The following USH1C variants were observed in gnomAD, a reference collection of about 807,000 sequenced individuals.
The protein encoded by USH1C is USH1 protein network component harmonin.
USH1C carries 90 observed loss-of-function variants against 119.3 expected under a neutral mutation model. The observed-to-expected ratio is 0.75, with a 90% CI of 0.64 to 0.90. The LOEUF (loss-of-function observed/expected upper bound fraction) is 0.90. USH1C is among the 40% of genes least tolerant of loss of function. The pLI is 0.00. For missense variants in USH1C, 1,165 were observed against 1,167.7 expected (o/e 1.00, Z 0.03); for synonymous variants, 465 against 443.3 (o/e 1.05, Z -0.62).
Position 17,531,418 on chromosome 11 carries a change from G to T in USH1C, c.229C>A (p.Leu77Met). The change falls in exon 3 of 27, where the codon CTG (leucine) becomes ATG (methionine). Residue 77 changes from leucine to methionine, a missense_variant. Physicochemically the swap from Leu to Met is conservative, Grantham distance 15. Transcript: ENST00000005226. This position sits in a 1 kb window ranked among gnomAD's most constrained non-coding sequence, Gnocchi z 4.2. ...CTGCACCTGGAGCGCCGGGGGGTCA[G>T]CTGATCATATTCCACCTGGTGCTTC... ...PLKHQVEYDQLTPRRSRKLKE... is the reference protein window; with the variant it reads ...PLKHQVEYDQMTPRRSRKLKE... 1.9e-6 allele frequency: 3 copies of T among 1,614,018 alleles called. No individual in the cohort carries two copies. Among genetic ancestry groups the T allele is most frequent in the Non-Finnish European group, 2.5e-6 (3 of 1,179,964 alleles).
At position 17,523,422 on chromosome 11, in the gene USH1C, C is replaced by T; in HGVS notation, c.816G>A (p.Lys272=). ...GGTGAAGACCCCCACATCTCACCTCCTTGTGATCCAGGTTAGAGAAGTCGA... is the reference window on the plus strand; with the variant it reads ...GGTGAAGACCCCCACATCTCACCTCTTTGTGATCCAGGTTAGAGAAGTCGA... ...NGVDFSNLDH[K]EAVNVLKSSR... The change falls in exon 10 of 27, where the codon AAG becomes AAA. Residue 272 remains lysine, a synonymous_variant. Coordinates refer to ENST00000005226, the MANE Select transcript of USH1C (RefSeq NM_153676.4). The T allele has an allele frequency of 6.2e-7, 1 of 1,614,224 alleles. No individual in the cohort carries two copies.
rs1284886077 is a variant in USH1C, at chr11:17,509,646, T to C, written c.1723A>G (p.Lys575Glu). ...GGAAGGACAGGGGGCGCCGGGACCTTGTGGGGTGGGTTGGAGGGTGGAGGG... is the reference window on the plus strand; with the variant it reads ...GGAAGGACAGGGGGCGCCGGGACCTCGTGGGGTGGGTTGGAGGGTGGAGGG... ...PHPPPSNPPH[K>E]VPAPPVLPLS... is the part of the protein sequence containing the mutation. Residue 575 changes from lysine (K) to glutamate (E), a missense_variant, in exon 18 of 27, where the codon AAG becomes GAG. Coordinates refer to ENST00000005226, the MANE Select transcript of USH1C (RefSeq NM_153676.4). 6.6e-7 allele frequency: 1 copy of C among 1,513,598 alleles called. No homozygotes were observed. The highest frequency in any genetic ancestry group is 8.8e-7 in the Non-Finnish European group (1 of 1,138,988). The allele number at this position is 1,513,598 out of a possible 1,614,324, so 93.8% of individuals were successfully genotyped here.
intron 23 of USH1C, among the ~76,000 whole-genome samples, chr11:17,500,825 C>T (rs1369628881): frequency 2.6e-5 from 4 of 152,202 alleles, no homozygotes; most frequent in African/African-American, 4.8e-5. Context: ...TGGCTGGGGA[C>T]CCCCTGAGGG....
In USH1C at chr11:17,509,821, CG is replaced by C; in HGVS notation, c.1547del (p.Pro516ArgfsTer14). ...NEISEMTTGPPPPPPSVSPLA... is the reference protein window; with the variant it reads ...NEISEMTTGPXPPPPSVSPLA... ...GGGGAGACACAGAAGGCGGGGGAGGCGGGGGCCCTGTGGTCATCTGGGGGTG... is the reference window on the plus strand; with the variant it reads ...GGGGAGACACAGAAGGCGGGGGAGGCGGGGCCCTGTGGTCATCTGGGGGTG... On this transcript the variant is annotated frameshift_variant, in exon 18 of 27. Transcript: ENST00000005226. LOFTEE classifies it high-confidence loss of function. 1.3e-6 allele frequency: 2 copies of C among 1,566,010 alleles called. No homozygotes were observed. The highest frequency in any genetic ancestry group is 8.6e-7 in the Non-Finnish European group (1 of 1,159,646).
chr11:17,521,528 G>C (rs748291938), intron 12 of USH1C, 117 bp from the exon 13 acceptor site: 2 of 1,040,880 alleles, frequency 1.9e-6, no homozygotes, highest in Non-Finnish European at 3.0e-6. Flanking sequence ...CCCTTCCTAG[G>C]AGGCCTGGAC....
chr11:17,538,877 C>A (rs1378786714), intron 1 of USH1C, among the ~76,000 whole-genome samples: 1 of 152,208 alleles, frequency 6.6e-6, no homozygotes. Flanking sequence ...TCTTTGGCAG[C>A]CCTGGTTCTC....
At chr11:17,498,095 G>T in intron 24 of USH1C, 67 bp downstream of exon 24, 1 of 1,463,686 alleles carries the variant, frequency 6.8e-7, no homozygotes, top group Non-Finnish European at 9.6e-7. Flanking sequence ...TGTGAGACCT[G>T]GCTGCAGAGG....
chr11:17,504,803 A>G (rs1052389617), intron 19 of USH1C, 106 bp from the exon 20 acceptor site: 4 of 1,172,834 alleles, frequency 3.4e-6, no homozygotes, highest in Middle Eastern at 1.9e-4. Flanking sequence ...TGCCGTGCCA[A>G]TGTCCCTCCC....
In USH1C at chr11:17,517,479, C is replaced by CG. The variant is rs1850209084; in HGVS notation, c.1211-1190_1211-1189insC. On this transcript the variant is annotated intron_variant, in intron 14 of 26. Coordinates refer to ENST00000005226, the MANE Select transcript of USH1C (RefSeq NM_153676.4). ...CAGGTTCCACTCCCTGATCATCTAC[C>CG]CAGGGAAAAGAGGAGGAAGCTGGTG... The CG allele has an allele frequency of 3.8e-6, 6 of 1,588,298 alleles. No homozygotes were observed. Among genetic ancestry groups the CG allele is most frequent in the Non-Finnish European group, 5.1e-6 (6 of 1,166,490 alleles).
chr11:17,525,826 T>A (rs1487295265), intron 8 of USH1C, among the ~76,000 whole-genome samples: 2 of 152,202 alleles, frequency 1.3e-5, no homozygotes, highest in African/African-American at 4.8e-5. Context: ...TCCTCATCTG[T>A]AAATTGGGCT....
chr11:17,537,970 A>G (rs1233073467), intron 1 of USH1C, among the ~76,000 whole-genome samples: 2 of 152,066 alleles, frequency 1.3e-5, no homozygotes, highest in East Asian at 1.9e-4. Context: ...AATCTACCAC[A>G]TGGTATCCAC....
chr11:17,498,201 C>T lies in USH1C; in HGVS notation c.2451G>A (p.Glu817=). Residue 817 remains glutamate (E), a synonymous_variant, in exon 24 of 27, where the codon GAG becomes GAA. Transcript: ENST00000005226. The stretch of plus-strand genomic sequence containing the variant: ...AGGCCTTCTGCAGGGCAGCCTCAGC[C>T]TCAGCCAGGGTGTAGTCTGTCACAA... ...GKIVTDYTLA[E]AEAALQKAWN... is the part of the protein sequence containing the mutation. The T allele has an allele frequency of 1.9e-6, 3 of 1,614,186 alleles. No individual in the cohort carries two copies. The highest frequency in any genetic ancestry group is 2.5e-6 in the Non-Finnish European group (3 of 1,180,018).
rs1424141433 is a variant in USH1C at position 17,506,089 on chromosome 11, G to C, written c.2014-140C>G. The stretch of plus-strand genomic sequence containing the variant: ...GGTCATTCAACTGCTCGAGGTCCTG[G>C]GGTTGTGATCCTCAGCAGAGAGATG... On this transcript the variant is annotated intron_variant, in intron 18 of 26. Transcript: ENST00000005226. 8 of 1,271,374 alleles carry C rather than the reference G, an allele frequency of 6.3e-6. No individual in the cohort carries two copies. In the East Asian group the frequency reaches 2.0e-4, roughly 32 times the overall value. The allele number at this position is 1,271,374 out of a possible 1,614,324, so 78.8% of individuals were successfully genotyped here.
At chr11:17,512,163 C>G (rs1163508055) in intron 15 of USH1C, 109 bp from the exon 16 acceptor site, 1 of 1,240,434 alleles carries the variant, frequency 8.1e-7, no homozygotes, top group African/African-American at 1.5e-5. Context: ...TGGTGAGCCC[C>G]TCCCCCAGCT....
chr11:17,514,188 G>A (rs1850029228), intron 15 of USH1C, among the ~76,000 whole-genome samples: 1 of 152,194 alleles, frequency 6.6e-6, no homozygotes, highest in African/African-American at 2.4e-5. Context: ...TTACTGCCAA[G>A]GTGGAAATAG....
chr11:17,530,935 G>A (rs1392713904), intron 4 of USH1C, among the ~76,000 whole-genome samples: 3 of 152,240 alleles, frequency 2.0e-5, no homozygotes, highest in African/African-American at 7.2e-5. Flanking sequence ...GAAGCAGGCA[G>A]CAGCCAGGTT....
chr11:17,499,943 G>A (rs1417553968), intron 23 of USH1C, among the ~76,000 whole-genome samples: 2 of 152,174 alleles, frequency 1.3e-5, no homozygotes, highest in African/African-American at 4.8e-5. Context: ...CCCCACTCTG[G>A]CCTGGGAAGG....
intron 23 of USH1C, 38 bp from the exon 24 acceptor site, chr11:17,498,309 A>G (rs1849315532): frequency 1.3e-6 from 2 of 1,590,862 alleles, no homozygotes; most frequent in Non-Finnish European, 1.7e-6. Context: ...ACTGGGCTGT[A>G]TGTGACACGT....
chr11:17,518,887 C>T (rs2041030), intron 14 of USH1C, among the ~76,000 whole-genome samples: 11,353 of 152,088 alleles, frequency 0.075, 539 homozygotes, highest in South Asian at 0.24. Flanking sequence ...GGCTTGGTGG[C>T]GCATGCCTGT....
Sources: gnomAD v4.1 joint callset for allele counts (sites outside exome capture counted in the v4.1 genomes callset) on GRCh38, gnomAD v4.1.1 for gene constraint, Gnocchi (gnomAD v3.1) non-coding constraint, MANE v1.5 for transcripts, NCBI Gene and HGNC (gene_info 2026-07-23, HGNC 2026-07-21) for gene names.